SCARA3: variants seen among roughly 807,000 people sequenced by gnomAD.
SCARA3 encodes cellular stress response gene protein.
A neutral mutation model predicts 47.0 loss-of-function variants in SCARA3; 39 were observed. The ratio of observed to expected loss-of-function variants is 0.83; its 90% CI spans 0.64 to 1.08. SCARA3 has a LOEUF of 1.08. Ranked by LOEUF, SCARA3 falls within the 50% of genes least tolerant of loss-of-function variation. The pLI is 0.00. For synonymous variants in SCARA3, 356 were observed against 334.1 expected (o/e 1.07, Z -0.71); for missense variants, 724 against 792.3 (o/e 0.91, Z 1.04).
chr8:27,680,464 G>A (rs1802340661), downstream of SCARA3, among the ~76,000 whole-genome samples: 1 of 152,066 alleles, frequency 6.6e-6, no homozygotes, highest in Non-Finnish European at 1.5e-5. Context: ...ACCTAGATGA[G>A]ATGGGCAAAT....
chr8:27,693,135 A>AG, the SCARA3 span, among the ~76,000 whole-genome samples: 3 of 112,370 alleles, frequency 2.7e-5, no homozygotes, highest in Non-Finnish European at 5.8e-5. Flanking sequence ...AAAAAAAAAA[A>AG]AAAAAAGAAA....
the SCARA3 span, among the ~76,000 whole-genome samples, chr8:27,683,040 C>G: frequency 5.9e-4 from 89 of 151,784 alleles, no homozygotes; most frequent in Middle Eastern, 3.4e-3. Flanking sequence ...AAAAAACACA[C>G]AAAAAACAAA....
chr8:27,710,129 C>T, the SCARA3 span, among the ~76,000 whole-genome samples: 2 of 150,810 alleles, frequency 1.3e-5, no homozygotes, highest in Non-Finnish European at 2.9e-5. Flanking sequence ...GCTCGGGAGG[C>T]TGAGGCAGGA....
chr8:27,688,942 T>A, the SCARA3 span, among the ~76,000 whole-genome samples: 2 of 152,202 alleles, frequency 1.3e-5, no homozygotes, highest in African/African-American at 4.8e-5. Context: ...GTTTTTGTTC[T>A]TTTTTAAAAG....
At chr8:27,661,818 T>TG (rs1801919185) in intron 5 of SCARA3, among the ~76,000 whole-genome samples, 2 of 152,122 alleles carry the variant, frequency 1.3e-5, no homozygotes, top group Non-Finnish European at 2.9e-5. Context: ...TCTACCTGGG[T>TG]GGGGTTGTTG....
intron 3 of SCARA3, among the ~76,000 whole-genome samples, chr8:27,655,511 C>T (rs1410121921): frequency 3.9e-5 from 6 of 152,054 alleles, no homozygotes; most frequent in Non-Finnish European, 7.4e-5. Flanking sequence ...CAAGGCTGCC[C>T]GTGGGGTATA....
the SCARA3 span, among the ~76,000 whole-genome samples, chr8:27,729,984 G>A: frequency 1.3e-5 from 2 of 152,054 alleles, no homozygotes; most frequent in Non-Finnish European, 2.9e-5. Context: ...AAGAAGAGGT[G>A]CCAGGGCCCT....
chr8:27,714,532 C>T, the SCARA3 span, among the ~76,000 whole-genome samples: 1 of 152,152 alleles, frequency 6.6e-6, no homozygotes, highest in South Asian at 2.1e-4. Context: ...TGGCCTAACA[C>T]AGGATGCTAG....
At chr8:27,637,698 G>A (rs570349500) in intron 1 of SCARA3, among the ~76,000 whole-genome samples, 3 of 152,120 alleles carry the variant, frequency 2.0e-5, no homozygotes, top group East Asian at 2.0e-4. Context: ...TTCCTCAGGC[G>A]TGGGAGAAAC....
chr8:27,680,643 G>A (rs73231069), downstream of SCARA3, among the ~76,000 whole-genome samples: 11,708 of 152,086 alleles, frequency 0.077, 505 homozygotes, highest in East Asian at 0.22. Context: ...GCCAACATTA[G>A]ACAAACTCTT....
At chr8:27,728,783 G>T in the SCARA3 span, among the ~76,000 whole-genome samples, 1 of 152,194 alleles carries the variant, frequency 6.6e-6, no homozygotes, top group Non-Finnish European at 1.5e-5. Context: ...CAACACTTTG[G>T]GAGGCCGAGG....
At chr8:27,675,592 C>G (rs902685075), downstream of SCARA3, among the ~76,000 whole-genome samples, 3 of 152,134 alleles carry the variant, frequency 2.0e-5, no homozygotes, top group Non-Finnish European at 2.9e-5. Flanking sequence ...GAGTTCAAGA[C>G]CAGCCTGGCC....
chr8:27,707,728 C>A, the SCARA3 span, among the ~76,000 whole-genome samples: 2 of 151,332 alleles, frequency 1.3e-5, no homozygotes, highest in East Asian at 1.9e-4. Flanking sequence ...CTGCCAAGAG[C>A]CTGCCACAAA....
At chr8:27,637,061 G>A (rs570088473) in intron 1 of SCARA3, among the ~76,000 whole-genome samples, 6 of 152,256 alleles carry the variant, frequency 3.9e-5, no homozygotes, top group Non-Finnish European at 7.3e-5. Context: ...ACAAACACGT[G>A]ATGTGATGTG....
intron 1 of SCARA3, among the ~76,000 whole-genome samples, chr8:27,645,011 A>G (rs1801462025): frequency 6.6e-6 from 1 of 152,184 alleles, no homozygotes; most frequent in African/African-American, 2.4e-5. Context: ...GGGGAAGTAG[A>G]GCCAACATTT....
the SCARA3 span, among the ~76,000 whole-genome samples, chr8:27,683,939 G>T: frequency 6.6e-6 from 1 of 152,030 alleles, no homozygotes; most frequent in Non-Finnish European, 1.5e-5. Context: ...AAAGAAGCTA[G>T]ACACAAAGAG....
chr8:27,725,118 C>A, the SCARA3 span, among the ~76,000 whole-genome samples: 1 of 152,168 alleles, frequency 6.6e-6, no homozygotes. Context: ...CCACTGCACT[C>A]CAGCCTGGGC....
chr8:27,674,864 G>A (rs1367250494), downstream of SCARA3, among the ~76,000 whole-genome samples: 2 of 151,886 alleles, frequency 1.3e-5, no homozygotes, highest in Non-Finnish European at 2.9e-5. Context: ...GAGTAGCTGG[G>A]ACTACAGGCG....
At chr8:27,726,085 A>G in the SCARA3 span, among the ~76,000 whole-genome samples, 1 of 152,166 alleles carries the variant, frequency 6.6e-6, no homozygotes, top group Non-Finnish European at 1.5e-5. Context: ...GATGACCCTT[A>G]AAGTCTCTTC....
Sources: gnomAD v4.1 joint callset for allele counts (sites outside exome capture counted in the v4.1 genomes callset) on GRCh38, gnomAD v4.1.1 for gene constraint, MANE v1.5 for transcripts, NCBI Gene and HGNC (gene_info 2026-07-23, HGNC 2026-07-21) for gene names.